PHF24: variants seen among roughly 807,000 people sequenced by gnomAD.
PHF24 encodes Galpha inhibitory interacting protein.
Under a neutral mutation model 42.6 loss-of-function variants are expected in PHF24, and 25 were observed. That is an observed-to-expected ratio of 0.59 (90% CI 0.43 to 0.82). PHF24 has a LOEUF of 0.82. PHF24 is among the 40% of genes least tolerant of loss of function. PHF24 has a pLI of 0.00. For synonymous variants in PHF24, 185 were observed against 204.8 expected (o/e 0.90, Z 0.83); for missense variants, 470 against 538.1 (o/e 0.87, Z 1.25).
chr9:34,824,686 A>C, the PHF24 span, among the ~76,000 whole-genome samples: 1 of 152,228 alleles, frequency 6.6e-6, no homozygotes, highest in Non-Finnish European at 1.5e-5. Flanking sequence ...CTTTCAAGAT[A>C]GTGTGGAGAG....
the PHF24 span, chr9:34,892,557 A>G: frequency 2.4e-6 from 1 of 420,320 alleles, no homozygotes; most frequent in East Asian, 3.4e-5. Context: ...GGACATTGCA[A>G]TAGCAGTTGG....
the PHF24 span, among the ~76,000 whole-genome samples, chr9:34,773,145 C>A: frequency 6.6e-6 from 1 of 152,156 alleles, no homozygotes; most frequent in African/African-American, 2.4e-5. Context: ...CATGCGACAC[C>A]ACGCCCAGCT....
the PHF24 span, chr9:34,832,969 G>T: frequency 6.4e-7 from 1 of 1,551,736 alleles, no homozygotes; most frequent in Admixed American, 2.0e-5. Context: ...GCTGGGGGCT[G>T]TGTTGACAGG....
the PHF24 span, among the ~76,000 whole-genome samples, chr9:34,840,187 C>T: frequency 6.6e-6 from 1 of 152,080 alleles, no homozygotes; most frequent in Non-Finnish European, 1.5e-5. Flanking sequence ...AGTAAGCATA[C>T]ATATAAATGG....
At chr9:34,761,479 G>A in the PHF24 span, among the ~76,000 whole-genome samples, 15 of 152,134 alleles carry the variant, frequency 9.9e-5, no homozygotes, top group South Asian at 4.1e-4. Context: ...GATAAATACC[G>A]TAGTGTCAGG....
chr9:34,967,544 C>T (rs1308621453), intron 1 of PHF24, among the ~76,000 whole-genome samples: 1 of 152,152 alleles, frequency 6.6e-6, no homozygotes, highest in Non-Finnish European at 1.5e-5. Flanking sequence ...AATGTAATTG[C>T]TCATAATAAA....
the PHF24 span, among the ~76,000 whole-genome samples, chr9:34,868,237 T>C: frequency 2.0e-5 from 3 of 152,194 alleles, no homozygotes; most frequent in African/African-American, 7.2e-5. Flanking sequence ...CTGATCAGTC[T>C]TTCTGGCCCA....
the PHF24 span, among the ~76,000 whole-genome samples, chr9:34,947,421 A>G: frequency 2.0e-5 from 3 of 152,248 alleles, no homozygotes; most frequent in Non-Finnish European, 4.4e-5. Flanking sequence ...GCTGCCGGTT[A>G]TATAAAACTA....
the PHF24 span, among the ~76,000 whole-genome samples, chr9:34,884,953 GA>G: frequency 1.3e-5 from 2 of 152,172 alleles, no homozygotes; most frequent in Non-Finnish European, 2.9e-5. Context: ...GCCTGTGGGG[GA>G]CCAGGGGAAG....
chr9:34,922,082 A>T, the PHF24 span: 7 of 1,061,620 alleles, frequency 6.6e-6, no homozygotes, highest in Non-Finnish European at 9.8e-6. Flanking sequence ...AAGTAACATA[A>T]ACCTGTCATA....
chr9:34,674,346 C>A, the PHF24 span, among the ~76,000 whole-genome samples: 1 of 152,200 alleles, frequency 6.6e-6, no homozygotes, highest in Non-Finnish European at 1.5e-5. Context: ...TCTTTCAATG[C>A]CAAGACACTG....
chr9:34,780,669 T>C, the PHF24 span, among the ~76,000 whole-genome samples: 2 of 152,190 alleles, frequency 1.3e-5, no homozygotes, highest in African/African-American at 4.8e-5. Flanking sequence ...TAACATTTTG[T>C]GCATCAAAGG....
At chr9:34,709,568 C>A in the PHF24 span, 1 of 1,614,090 alleles carries the variant, frequency 6.2e-7, no homozygotes, top group Non-Finnish European at 8.5e-7. Flanking sequence ...TCCTGCAGCC[C>A]TGGGCTGGTT....
the PHF24 span, among the ~76,000 whole-genome samples, chr9:34,875,907 TACACACACACACACACACACAC>T: frequency 8.6e-6 from 1 of 116,198 alleles, no homozygotes; most frequent in African/African-American, 3.5e-5. Context: ...CTCTCTCTCT[TACACACACACACACACACACAC>T]ACACACACAC....
chr9:34,939,745 ACTT>A, the PHF24 span, among the ~76,000 whole-genome samples: 210 of 152,230 alleles, frequency 1.4e-3, 1 homozygote, highest in African/African-American at 4.9e-3. Flanking sequence ...CCACACATCT[ACTT>A]CTACTCAGGG....
chr9:34,964,175 C>G (rs1254439468), intron 1 of PHF24, among the ~76,000 whole-genome samples: 1 of 152,206 alleles, frequency 6.6e-6, no homozygotes, highest in African/African-American at 2.4e-5. Context: ...TCCCCTCACT[C>G]AGAGGTTTTC....
At chr9:34,718,263 G>T in the PHF24 span, among the ~76,000 whole-genome samples, 29 of 152,164 alleles carry the variant, frequency 1.9e-4, no homozygotes, top group Non-Finnish European at 1.2e-4. Context: ...AGGCAGAAAA[G>T]GGGGGCAGTT....
At chr9:34,936,485 C>T in the PHF24 span, among the ~76,000 whole-genome samples, 2 of 151,952 alleles carry the variant, frequency 1.3e-5, no homozygotes, top group African/African-American at 2.4e-5. Context: ...TCTGCCCGGC[C>T]GCCACCCCGT....
chr9:34,945,116 A>C, the PHF24 span, among the ~76,000 whole-genome samples: 21 of 152,254 alleles, frequency 1.4e-4, no homozygotes, highest in Non-Finnish European at 2.4e-4. Context: ...CAATCCTTTC[A>C]ATCAGAGAGT....
Sources: allele counts gnomAD v4.1 joint callset (sites outside exome capture counted in the v4.1 genomes callset), GRCh38; gene constraint gnomAD v4.1.1; transcripts MANE v1.5; gene names NCBI Gene and HGNC (gene_info 2026-07-23, HGNC 2026-07-21).